ZNF544: variants seen among roughly 807,000 people sequenced by gnomAD.
ZNF544 encodes the protein zinc finger protein AF020591.
A neutral mutation model predicts 13.5 loss-of-function variants in ZNF544; 10 were observed. The ratio of observed to expected loss-of-function variants is 0.74; its 90% CI spans 0.46 to 1.25. The LOEUF (loss-of-function observed/expected upper bound fraction) is 1.25, where lower values mean the gene tolerates loss of function less well. ZNF544 is among the 50% of genes most tolerant of loss of function. The pLI is 0.00. For synonymous variants in ZNF544, 323 were observed against 300.5 expected, an observed-to-expected ratio of 1.07 and a Z score of -0.77; for missense variants, 896 against 845.6, an observed-to-expected ratio of 1.06 and a Z score of -0.74.
chr19:58,273,366 T>A (rs12462307), intron 5 of ZNF544, among the ~76,000 whole-genome samples: 2 of 151,900 alleles, frequency 1.3e-5, no homozygotes, highest in African/African-American at 4.8e-5. Flanking sequence ...CTGTATCAAA[T>A]GATCAACATG....
chr19:58,264,866 T>G (rs2049651259), downstream of ZNF544, among the ~76,000 whole-genome samples: 1 of 151,814 alleles, frequency 6.6e-6, no homozygotes, highest in African/African-American at 2.4e-5. Context: ...TAGCTGGGCA[T>G]GGAGCTGCAC....
rs187132339 is a variant in ZNF544 at position 58,254,926 on chromosome 19, C to T, written c.245-5925C>T. Among the ~76,000 whole-genome samples, 1,479 of 149,506 alleles carry T rather than the reference C, an allele frequency of 9.9e-3. 33 individuals carry two copies. Among genetic ancestry groups the T allele is most frequent in the African/African-American group, 0.035 (1,413 of 40,456 alleles). ...TTTTTGAGATGGAGTCTCACTCTGT[C>T]GCCCAGGCTGGAGTGCAGTGGCGCG... On this transcript the variant is annotated intron_variant, in intron 6 of 6. Transcript: ENST00000687789.
chr19:58,255,135 G>A (rs1167121812), intron 6 of ZNF544, among the ~76,000 whole-genome samples: 6 of 151,338 alleles, frequency 4.0e-5, no homozygotes, highest in East Asian at 1.9e-4. Context: ...TGATCTACCC[G>A]CCTCAGCCTC....
chr19:58,252,607 T>C (rs545884883), intron 6 of ZNF544, among the ~76,000 whole-genome samples: 1 of 152,348 alleles, frequency 6.6e-6, no homozygotes, highest in East Asian at 1.9e-4. Context: ...CAAAATCATT[T>C]CTTTCTTACC....
In ZNF544 at chr19:58,261,507, G is replaced by T. The variant is rs2147691925; in HGVS notation, c.901G>T (p.Asp301Tyr). Residue 301 changes from aspartate (D) to tyrosine (Y), a missense_variant, in exon 7 of 7, where the codon GAT becomes TAT. Asp to Tyr is a radical substitution (Grantham distance 160, BLOSUM62 -3). Coordinates refer to ENST00000687789, the MANE Select transcript of ZNF544 (RefSeq NM_014480.4). Reference sequence around the variant, plus strand: ...TTTTGGGAAAAGTCAGTATGAGTGTGATGAGTGCAGGGAAACCTGTTCTGA... The same window carrying T: ...TTTTGGGAAAAGTCAGTATGAGTGTTATGAGTGCAGGGAAACCTGTTCTGA... ...VHFGKSQYEC[D>Y]ECRETCSESL... 6.2e-7 allele frequency: 1 copy of T among 1,614,190 alleles called. No individual in the cohort carries two copies. Among genetic ancestry groups the T allele is most frequent in the South Asian group, 1.1e-5 (1 of 91,088 alleles).
downstream of ZNF544, among the ~76,000 whole-genome samples, chr19:58,265,287 T>TATTTATTC (rs2049720028): frequency 4.8e-5 from 7 of 144,512 alleles, no homozygotes; most frequent in Admixed American, 5.0e-4. Context: ...TCTGCATATT[T>TATTTATTC]ATTTATTTAT....
Position 58,275,912 on chromosome 19 carries a change from A to G in ZNF544, c.245-411A>G, listed in dbSNP as rs986456895. On this transcript the variant is annotated intron_variant, in intron 5 of 6. Coordinates refer to the ZNF544 transcript ENST00000595981. Reference sequence around the variant, plus strand: ...AAAATGAATACACAGGGCCGGGTGCAGTGGCGCATTCCTGTAATCCCAGCA... The same window carrying G: ...AAAATGAATACACAGGGCCGGGTGCGGTGGCGCATTCCTGTAATCCCAGCA... Among the ~76,000 whole-genome samples the G allele has an allele frequency of 5.9e-5, 9 of 152,044 alleles. No individual in the cohort carries two copies. In the South Asian group the frequency reaches 1.0e-3, roughly 18 times the overall value.
At chr19:58,243,369 ACT>A (rs2044332845) in intron 3 of ZNF544, among the ~76,000 whole-genome samples, 1 of 150,880 alleles carries the variant, frequency 6.6e-6, no homozygotes, top group Non-Finnish European at 1.5e-5. Flanking sequence ...TTTTTGCCAA[ACT>A]CTCGGTAGGA....
intron 6 of ZNF544, chr19:58,251,365 C>G (rs773895903): frequency 1.9e-6 from 1 of 519,004 alleles, no homozygotes; most frequent in Non-Finnish European, 3.8e-6. Flanking sequence ...TTCAGGTTCC[C>G]GGTCTGGGAC....
chr19:58,272,120 C>T (rs2050707123), intron 5 of ZNF544, among the ~76,000 whole-genome samples: 1 of 150,920 alleles, frequency 6.6e-6, no homozygotes, highest in African/African-American at 2.4e-5. Flanking sequence ...GAGATTGCCC[C>T]ACTACACTCT....
chr19:58,250,867 G>A (rs1432896479), intron 6 of ZNF544, among the ~76,000 whole-genome samples: 1 of 152,190 alleles, frequency 6.6e-6, no homozygotes, highest in African/African-American at 2.4e-5. Context: ...AACAGTCTTT[G>A]CCAGAGCTGG....
rs1344548753 is a variant in ZNF544, at chr19:58,261,785, T to C, written c.1179T>C (p.Tyr393=). ...TQCGKSFSQS[Y]DLVIHQRTHT... ...GTGGGAAATCTTTTAGCCAGAGCTA[T>C]GACCTTGTCATACATCAGAGGACAC... Residue 393 remains tyrosine, a synonymous_variant, in exon 7 of 7, where the codon TAT becomes TAC. Transcript: ENST00000687789. 1.9e-6 allele frequency: 3 copies of C among 1,613,970 alleles called. No homozygotes were observed. Among genetic ancestry groups the C allele is most frequent in the African/African-American group, 2.7e-5 (2 of 74,876 alleles).
At chr19:58,272,411 A>G (rs1030193558) in intron 5 of ZNF544, among the ~76,000 whole-genome samples, 14 of 151,840 alleles carry the variant, frequency 9.2e-5, no homozygotes, top group South Asian at 4.2e-4. Context: ...GAAATAAAAA[A>G]CCAGGTGTGG....
intron 3 of ZNF544, among the ~76,000 whole-genome samples, chr19:58,235,993 G>A (rs2042295337): frequency 6.6e-6 from 1 of 151,938 alleles, no homozygotes. Context: ...CCAGGAGGTG[G>A]AGGTTGCAGT....
At chr19:58,254,627 A>C (rs1156337220) in intron 6 of ZNF544, among the ~76,000 whole-genome samples, 2 of 152,118 alleles carry the variant, frequency 1.3e-5, no homozygotes, top group African/African-American at 4.8e-5. Flanking sequence ...GTGCTGCTTT[A>C]TATGTTTTCC....
Position 58,260,982 on chromosome 19 carries a change from C to T in ZNF544, c.376C>T (p.Gln126Ter), listed in dbSNP as rs900109611. The T allele has an allele frequency of 6.2e-7, 1 of 1,614,162 alleles. No individual in the cohort carries two copies. ...EPPSLVLGKV[Q>*]DQSNQLREHQ... ...ACCCTCTTTGGTATTAGGAAAAGTG[C>T]AAGATCAGAGCAACCAGTTAAGGGA... The change falls in exon 7 of 7, where the codon CAA (glutamine) becomes TAA (stop). Residue 126 changes from glutamine to a stop codon, truncating the protein, a stop_gained. Transcript: ENST00000687789. LOFTEE classifies it low-confidence loss of function (END_TRUNC).
intron 6 of ZNF544, among the ~76,000 whole-genome samples, chr19:58,256,786 G>C (rs928825617): frequency 6.6e-6 from 1 of 152,180 alleles, no homozygotes; most frequent in Non-Finnish European, 1.5e-5. Flanking sequence ...TGGGTAAGGA[G>C]CCCTTAGTGT....
intron 6 of ZNF544, chr19:58,257,280 C>T (rs995180411): frequency 6.6e-6 from 1 of 152,178 alleles, no homozygotes; most frequent in Non-Finnish European, 1.5e-5. Flanking sequence ...AAAGAAGCAA[C>T]AAAAGCATAG....
chr19:58,245,983 A>C (rs1600283151), intron 4 of ZNF544: 1 of 369,988 alleles, frequency 2.7e-6, no homozygotes, highest in East Asian at 6.9e-5. Flanking sequence ...AACAGAATTG[A>C]CTGCTCATAG....
Sources: gnomAD v4.1 joint callset for allele counts (sites outside exome capture counted in the v4.1 genomes callset) on GRCh38, gnomAD v4.1.1 for gene constraint, MANE v1.5 for transcripts, NCBI Gene and HGNC (gene_info 2026-07-23, HGNC 2026-07-21) for gene names.